The following MCTP1 variants were observed in gnomAD, a reference collection of about 807,000 sequenced individuals.
The protein encoded by MCTP1 is multiple C2 and transmembrane domain-containing protein 1.
Under a neutral mutation model 120.6 loss-of-function variants are expected in MCTP1, and 69 were observed. The ratio of observed to expected loss-of-function variants is 0.57; its 90% confidence interval spans 0.47 to 0.70. The LOEUF (loss-of-function observed/expected upper bound fraction) is 0.70. Among genes scored for constraint, MCTP1 ranks in the 30% least tolerant of loss-of-function variants. The pLI, the probability that MCTP1 is intolerant of heterozygous loss-of-function variation, is 0.00. For missense variants in MCTP1, 1,203 were observed against 1,248.8 expected, an observed-to-expected ratio of 0.96 and a Z score of 0.55; for synonymous variants, 529 against 493.1, an observed-to-expected ratio of 1.07 and a Z score of -0.96.
At chr5:94,918,821 T>A (rs1810806914) in intron 7 of MCTP1, among the ~76,000 whole-genome samples, 2 of 152,198 alleles carry the variant, frequency 1.3e-5, no homozygotes, top group South Asian at 4.1e-4. Flanking sequence ...TACATGCTGC[T>A]GTTTTCGCAC....
At chr5:94,751,042 A>C (rs1441231531) in intron 19 of MCTP1, among the ~76,000 whole-genome samples, 1 of 152,126 alleles carries the variant, frequency 6.6e-6, no homozygotes, top group African/African-American at 2.4e-5. Context: ...CAGTCCCCAT[A>C]TCTCTCCTAT....
At chr5:94,764,051 A>G (rs373342203) in intron 19 of MCTP1, among the ~76,000 whole-genome samples, 2 of 152,128 alleles carry the variant, frequency 1.3e-5, no homozygotes, top group Non-Finnish European at 2.9e-5. Context: ...GTTCCATGCC[A>G]TCTTTATTCC....
chr5:94,796,824 A>G (rs1019211488), intron 18 of MCTP1, among the ~76,000 whole-genome samples: 1 of 152,020 alleles, frequency 6.6e-6, no homozygotes, highest in African/African-American at 2.4e-5. Flanking sequence ...AAGAAGCTGA[A>G]TGAAACGTTG....
rs907155928 is a variant in MCTP1, at chr5:94,705,978, C to A, written c.*1518G>T. 2.6e-5 allele frequency: 4 copies of A among 151,394 alleles called. No individual in the cohort carries two copies. Among genetic ancestry groups the A allele is most frequent in the Non-Finnish European group, 5.9e-5 (4 of 67,658 alleles). The allele number at this position is 151,394 out of a possible 1,614,324, so 9.4% of individuals were successfully genotyped here. A position where few individuals can be genotyped will look rare whatever the true frequency, so the allele number is the denominator to read the frequency against. Reference sequence around the variant, plus strand: ...AGTATATAAACAGATCAAAATAGTTCTATTATAAGAAATAGTATTTAACAA... The same window carrying A: ...AGTATATAAACAGATCAAAATAGTTATATTATAAGAAATAGTATTTAACAA... On this transcript the variant is annotated 3_prime_UTR_variant, in exon 23 of 23. Coordinates refer to ENST00000515393, the MANE Select transcript of MCTP1 (RefSeq NM_024717.7).
chr5:94,796,477 A>G (rs1780027388), intron 18 of MCTP1, among the ~76,000 whole-genome samples: 1 of 150,952 alleles, frequency 6.6e-6, no homozygotes. Context: ...CCATACTTCC[A>G]GTGCTATGCG....
At chr5:94,991,488 C>G (rs963933274) in intron 2 of MCTP1, among the ~76,000 whole-genome samples, 1 of 152,150 alleles carries the variant, frequency 6.6e-6, no homozygotes, top group Non-Finnish European at 1.5e-5. Context: ...CTCTTGAAAA[C>G]CGATAATGAT....
intron 17 of MCTP1, among the ~76,000 whole-genome samples, chr5:94,822,924 G>C (rs1227079162): frequency 6.6e-6 from 1 of 151,690 alleles, no homozygotes; most frequent in Non-Finnish European, 1.5e-5. Context: ...AATTTGTGTA[G>C]GCTTCTTATA....
At chr5:95,012,492 C>T (rs1412261161) in intron 2 of MCTP1, among the ~76,000 whole-genome samples, 6 of 152,018 alleles carry the variant, frequency 3.9e-5, no homozygotes, top group Non-Finnish European at 5.9e-5. Context: ...GTTTTCAAAT[C>T]GAAGGTTTAT....
intron 19 of MCTP1, among the ~76,000 whole-genome samples, chr5:94,751,835 G>A (rs73774767): frequency 0.019 from 2,859 of 151,614 alleles, 69 homozygotes; most frequent in African/African-American, 0.066. Flanking sequence ...CACGATTCTC[G>A]ATCCATACTT....
chr5:94,922,436 T>G (rs1811893324), intron 7 of MCTP1, among the ~76,000 whole-genome samples: 1 of 152,038 alleles, frequency 6.6e-6, no homozygotes, highest in Non-Finnish European at 1.5e-5. Context: ...AGAACAAACT[T>G]AACCCAGAAC....
Position 94,708,565 on chromosome 5 carries a change from C to T in MCTP1, c.2875G>A (p.Asp959Asn). 6.2e-7 allele frequency: 1 copy of T among 1,611,572 alleles called. No homozygotes were observed. The highest frequency in any genetic ancestry group is 8.5e-7 in the Non-Finnish European group (1 of 1,178,298). Residue 959 changes from aspartate to asparagine, a missense_variant, in exon 22 of 23, where the codon GAT becomes AAT. Physicochemically the swap from Asp to Asn is conservative, Grantham distance 23 (BLOSUM62 1). Coordinates refer to ENST00000515393, the MANE Select transcript of MCTP1 (RefSeq NM_024717.7). ...TKKLRSPYAI[D>N]NNELLDFLSR... Reference sequence around the variant, plus strand: ...AGGAAGTCAAGTAGTTCATTGTTATCAATTGCATATGGACTCCGAAGCTTT... The same window carrying T: ...AGGAAGTCAAGTAGTTCATTGTTATTAATTGCATATGGACTCCGAAGCTTT...
intron 17 of MCTP1, among the ~76,000 whole-genome samples, chr5:94,861,495 G>A (rs1351401119): frequency 1.3e-5 from 2 of 151,804 alleles, no homozygotes; most frequent in African/African-American, 2.4e-5. Flanking sequence ...ATTAATGACT[G>A]AATCTCTGTT....
At chr5:95,004,664 A>T (rs1487454363) in intron 2 of MCTP1, among the ~76,000 whole-genome samples, 1 of 152,274 alleles carries the variant, frequency 6.6e-6, no homozygotes, top group Admixed American at 6.5e-5. Context: ...CAAGCCAAAA[A>T]CCTTGGCAGC....
chr5:94,946,964 T>C lies in MCTP1; in HGVS notation c.982-4537A>G, dbSNP rs540226081. Among the ~76,000 whole-genome samples the C allele has an allele frequency of 7.2e-5, 11 of 152,362 alleles. No homozygotes were observed. The East Asian group carries it at 1.9e-3, about 27-fold the overall frequency. ...TGTCTGGCTGAGTAGTATGTCTGTA[T>C]CCTAGGAAACTTGTACCTGGGCTAG... On this transcript the variant is annotated intron_variant, in intron 3 of 22. Transcript: ENST00000515393.
chr5:95,260,730 G>C (rs960518433), intron 1 of MCTP1, among the ~76,000 whole-genome samples: 48 of 151,952 alleles, frequency 3.2e-4, no homozygotes, highest in African/African-American at 1.1e-3. Flanking sequence ...TTGGGATAAA[G>C]GCTGTCTACC....
intron 1 of MCTP1, among the ~76,000 whole-genome samples, chr5:95,132,065 T>G (rs373737739): frequency 1.5e-4 from 23 of 152,358 alleles, no homozygotes; most frequent in African/African-American, 5.3e-4. Flanking sequence ...TTTTCTTTAT[T>G]GAAATTTGTT....
chr5:95,102,336 A>G (rs1302733456), intron 1 of MCTP1, among the ~76,000 whole-genome samples: 1 of 152,240 alleles, frequency 6.6e-6, no homozygotes, highest in Non-Finnish European at 1.5e-5. Flanking sequence ...CTGCGGCTGC[A>G]TGAGTGAGCC....
At chr5:94,780,140 C>CT (rs891691598) in intron 18 of MCTP1, among the ~76,000 whole-genome samples, 9,030 of 146,274 alleles carry the variant, frequency 0.062, 927 homozygotes, top group African/African-American at 0.21. Flanking sequence ...ATTCCTGTGT[C>CT]TTTTTTTTTT....
At chr5:95,006,390 G>T (rs1834771329) in intron 2 of MCTP1, among the ~76,000 whole-genome samples, 1 of 151,776 alleles carries the variant, frequency 6.6e-6, no homozygotes, top group East Asian at 1.9e-4. Context: ...AGAAGCTTAA[G>T]ATCATAGACT....
Sources: gnomAD v4.1 joint callset for allele counts (sites outside exome capture counted in the v4.1 genomes callset) on GRCh38, gnomAD v4.1.1 for gene constraint, MANE v1.5 for transcripts, NCBI Gene and HGNC (gene_info 2026-07-23, HGNC 2026-07-21) for gene names.